Variants in ANO4 observed in about 807,000 individuals in gnomAD.
ANO4 encodes the protein anoctamin-4.
A neutral mutation model predicts 141.9 loss-of-function variants in ANO4; 69 were observed. The observed-to-expected ratio is 0.49, with a 90% CI of 0.40 to 0.59. The LOEUF is 0.59. Among genes scored for constraint, ANO4 ranks in the 20% least tolerant of loss-of-function variants. The probability of loss-of-function intolerance (pLI) is 0.00; values close to 1 mark genes in which losing one functional copy is unlikely to be tolerated. For missense variants in ANO4, 894 were observed against 1,162.2 expected, an observed-to-expected ratio of 0.77 and a Z score of 3.36; for synonymous variants, 350 against 394.3, an observed-to-expected ratio of 0.89 and a Z score of 1.33.
At chr12:100,919,670 C>CTG (rs63330161) in intron 2 of ANO4, among the ~76,000 whole-genome samples, 8,987 of 139,758 alleles carry the variant, frequency 0.064, 278 homozygotes, top group Middle Eastern at 0.099. Flanking sequence ...GGACATGTCT[C>CTG]TGTGTGTGTG....
In ANO4 at chr12:101,107,592, G is replaced by A. The variant is rs73389108; in HGVS notation, c.2150-2812G>A. ...CCCCATAAAATCAGAAGACTAGTGT[G>A]GCCAGAGTAGAGGATTGTTTGGGAA... On this transcript the variant is annotated intron_variant, in intron 22 of 27. Transcript: ENST00000392977. Among the ~76,000 whole-genome samples, 758 of 152,278 alleles carry A rather than the reference G, an allele frequency of 5.0e-3. 13 individuals are homozygous for A. The highest frequency in any genetic ancestry group is 0.018 in the African/African-American group (729 of 41,538).
rs2050823266 is a variant in ANO4, at chr12:101,115,642, T to C, written c.2451-1037T>C. ...TTTCAAACATTGTTATTTCAGTAAG[T>C]GCATGTGTTAACCACAATGTTCAAT... On this transcript the variant is annotated intron_variant, in intron 24 of 27. Coordinates refer to ENST00000392977, the MANE Select transcript of ANO4 (RefSeq NM_001286615.2). Among the ~76,000 whole-genome samples, 4 of 152,190 alleles carry C rather than the reference T, an allele frequency of 2.6e-5. No homozygotes were observed. The South Asian group carries it at 8.3e-4, about 31-fold the overall frequency.
At chr12:100,988,690 G>A (rs1477298126) in intron 8 of ANO4, among the ~76,000 whole-genome samples, 1 of 151,820 alleles carries the variant, frequency 6.6e-6, no homozygotes, top group African/African-American at 2.4e-5. Flanking sequence ...GACCAACATG[G>A]TGAAACCCCG....
chr12:100,849,510 T>G (rs1194886526), intron 1 of ANO4, among the ~76,000 whole-genome samples: 1 of 152,148 alleles, frequency 6.6e-6, no homozygotes, highest in East Asian at 1.9e-4. Flanking sequence ...TCTGTTTGCT[T>G]TTTTACTTAC....
intron 9 of ANO4, among the ~76,000 whole-genome samples, chr12:101,021,988 G>T (rs1047206499): frequency 9.6e-5 from 14 of 146,582 alleles, no homozygotes; most frequent in Admixed American, 6.9e-5. Flanking sequence ...GAACAGATTT[G>T]AGAGTTGAGC....
chr12:101,072,720 CAAAGAATTTAA>C (rs2048864959), intron 14 of ANO4, among the ~76,000 whole-genome samples: 1 of 151,626 alleles, frequency 6.6e-6, no homozygotes, highest in South Asian at 2.1e-4. Flanking sequence ...CCAGAATCTA[CAAAGAATTTAA>C]ACAAACTTAC....
chr12:101,102,667 T>C (rs1307872444), intron 22 of ANO4, among the ~76,000 whole-genome samples: 2 of 152,114 alleles, frequency 1.3e-5, no homozygotes, highest in Admixed American at 6.5e-5. Flanking sequence ...CTCATTCTAA[T>C]GGTGTGTTTA....
At chr12:100,800,409 T>C (rs1330579381) in intron 1 of ANO4, among the ~76,000 whole-genome samples, 1 of 152,228 alleles carries the variant, frequency 6.6e-6, no homozygotes, top group Non-Finnish European at 1.5e-5. Flanking sequence ...TGTCAGCCAG[T>C]GTTCTATTTA....
chr12:100,924,612 T>A (rs2041785505), intron 3 of ANO4, among the ~76,000 whole-genome samples: 1 of 152,128 alleles, frequency 6.6e-6, no homozygotes, highest in African/African-American at 2.4e-5. Flanking sequence ...AGAAAAAATT[T>A]CCACAAGAGA....
At chr12:100,924,528 T>C (rs1053367814) in intron 3 of ANO4, among the ~76,000 whole-genome samples, 5 of 152,146 alleles carry the variant, frequency 3.3e-5, no homozygotes, top group Non-Finnish European at 7.4e-5. Context: ...GAAATGTTTT[T>C]AGCAGAGAAT....
chr12:100,849,070 A>T (rs1287665059), intron 1 of ANO4, among the ~76,000 whole-genome samples: 1 of 152,222 alleles, frequency 6.6e-6, no homozygotes, highest in Admixed American at 6.5e-5. Context: ...GAGAGCACTT[A>T]ACAAATCATA....
intron 1 of ANO4, among the ~76,000 whole-genome samples, chr12:100,810,541 G>A (rs889278033): frequency 1.3e-5 from 2 of 152,144 alleles, no homozygotes; most frequent in African/African-American, 4.8e-5. Context: ...GTGTAAGTAG[G>A]TCAGTTACAA....
At chr12:100,874,709 AG>A (rs1230821271) in intron 1 of ANO4, among the ~76,000 whole-genome samples, 4 of 151,860 alleles carry the variant, frequency 2.6e-5, no homozygotes, top group African/African-American at 4.8e-5. Flanking sequence ...TAGTAGAGAC[AG>A]GGTTTTGCCA....
At chr12:100,968,511 C>T in intron 5 of ANO4, among the ~76,000 whole-genome samples, 1 of 152,118 alleles carries the variant, frequency 6.6e-6, no homozygotes. Flanking sequence ...TTTACTCTTT[C>T]TCTCATAGGA....
chr12:100,773,318 A>G (rs887092508), intron 3 of ANO4, among the ~76,000 whole-genome samples: 2 of 152,238 alleles, frequency 1.3e-5, no homozygotes, highest in Admixed American at 1.3e-4. Flanking sequence ...TATTTCTTCA[A>G]TTAGACTACA....
intron 19 of ANO4, 134 bp from the exon 20 acceptor site, chr12:101,097,517 G>T: frequency 2.5e-6 from 2 of 812,990 alleles, no homozygotes; most frequent in South Asian, 1.6e-5. Context: ...GATCTGGAGG[G>T]TTTCCTAATT....
chr12:101,084,138 A>G (rs976539628), intron 16 of ANO4, among the ~76,000 whole-genome samples: 1 of 152,226 alleles, frequency 6.6e-6, no homozygotes, highest in African/African-American at 2.4e-5. Context: ...AATGTGAGAC[A>G]GGATGTACAG....
intron 17 of ANO4, 44 bp from the exon 18 acceptor site, chr12:101,094,212 A>G: frequency 6.6e-7 from 1 of 1,509,074 alleles, no homozygotes; most frequent in Non-Finnish European, 9.2e-7. Flanking sequence ...AGATTTTATA[A>G]TACGTGCAGT....
At chr12:100,925,783 A>G (rs200853565) in intron 3 of ANO4, among the ~76,000 whole-genome samples, 2 of 149,294 alleles carry the variant, frequency 1.3e-5, no homozygotes, top group African/African-American at 4.9e-5. Context: ...ATATATATGT[A>G]TGCATGTATA....
Sources: allele counts gnomAD v4.1 joint callset (sites outside exome capture counted in the v4.1 genomes callset), GRCh38; gene constraint gnomAD v4.1.1; transcripts MANE v1.5; gene names NCBI Gene and HGNC (gene_info 2026-07-23, HGNC 2026-07-21).